ZBTB17: variants seen among roughly 807,000 people sequenced by gnomAD.
The protein encoded by ZBTB17 is zinc finger and BTB domain-containing protein 17.
Under a neutral mutation model 85.1 loss-of-function variants are expected in ZBTB17, and 24 were observed. The observed-to-expected ratio is 0.28, with a 90% CI of 0.20 to 0.40. The LOEUF is 0.40. ZBTB17 is among the 10% of genes least tolerant of loss of function. The pLI, the probability that ZBTB17 is intolerant of heterozygous loss-of-function variation, is 1.00. For missense variants in ZBTB17, 743 were observed against 1,105.1 expected, an observed-to-expected ratio of 0.67 and a Z score of 4.65; for synonymous variants, 464 against 460.2, an observed-to-expected ratio of 1.01 and a Z score of -0.11.
At chr1:15,942,775 G>A (rs760404107) in intron 13 of ZBTB17, 37 bp from the exon 14 acceptor site, 1 of 1,605,774 alleles carries the variant, frequency 6.2e-7, no homozygotes, top group East Asian at 2.2e-5. Flanking sequence ...TTTGTGGGAA[G>A]GGGCCGCAGG....
chr1:15,955,719 G>C (rs913860059), intron 2 of ZBTB17, among the ~76,000 whole-genome samples: 27 of 152,212 alleles, frequency 1.8e-4, no homozygotes, highest in Non-Finnish European at 1.9e-4. Flanking sequence ...GGAGGCCAAG[G>C]CTGGAGGATC....
chr1:15,959,750 G>A (rs549866754), intron 2 of ZBTB17, among the ~76,000 whole-genome samples: 1 of 152,048 alleles, frequency 6.6e-6, no homozygotes, highest in Admixed American at 6.5e-5. Flanking sequence ...TCCAGCATAG[G>A]CAACAGAGCA....
In ZBTB17 at chr1:15,942,424, C is replaced by T. The variant is rs374331671; in HGVS notation, c.2039-4G>A. The T allele has an allele frequency of 4.5e-5, 73 of 1,613,018 alleles. No homozygotes were observed. In the South Asian group the frequency reaches 5.7e-4, roughly 13 times the overall value. On this transcript the variant is annotated splice_polypyrimidine_tract_variant and splice_region_variant and intron_variant, in intron 14 of 15. Transcript: ENST00000375743. ...ACTGCAGCTCCCACCGGCACCACTG[C>T]GGGCAGAGTCGCAGGGCCTAAGGTG... is the stretch of plus-strand genomic sequence containing the variant.
At chr1:15,969,927 C>T (rs1401964648) in intron 2 of ZBTB17, 3 of 660,058 alleles carry the variant, frequency 4.5e-6, no homozygotes, top group Non-Finnish European at 8.2e-6. Context: ...TGTGAATCTG[C>T]CCTCCCATTG....
intron 2 of ZBTB17, among the ~76,000 whole-genome samples, chr1:15,961,477 T>C (rs1185813996): frequency 2.6e-5 from 4 of 152,230 alleles, no homozygotes; most frequent in Non-Finnish European, 5.9e-5. Flanking sequence ...ATCCTGAAGC[T>C]GTAAGTTGGG....
rs61782258 is a variant in ZBTB17, at chr1:15,946,438, A to C, written c.395-144T>G. On this transcript the variant is annotated intron_variant, in intron 4 of 15. Transcript: ENST00000375743. Reference sequence around the variant, plus strand: ...GGTTTGCTGATTTGTTCATTCACCAAATTATTCACAGGGCACCCACTCCAT... The same window carrying C: ...GGTTTGCTGATTTGTTCATTCACCACATTATTCACAGGGCACCCACTCCAT... 0.062 allele frequency: 79,560 copies of C among 1,276,190 alleles called. 2,846 individuals carry two copies. The highest frequency in any genetic ancestry group is 0.073 in the Non-Finnish European group (67,726 of 933,204). 79.1% of individuals were successfully genotyped at this position (1,276,190 alleles called of 1,614,324 possible).
chr1:15,956,688 T>C (rs917300067), intron 2 of ZBTB17, among the ~76,000 whole-genome samples: 5 of 152,090 alleles, frequency 3.3e-5, no homozygotes, highest in African/African-American at 4.8e-5. Context: ...AACAGATACA[T>C]AGAGAGAGAG....
Position 15,973,493 on chromosome 1 carries a change from T to A in ZBTB17, c.-89-368A>T, listed in dbSNP as rs78522761. Among the ~76,000 whole-genome samples the A allele has an allele frequency of 3.3e-5, 5 of 152,312 alleles. No individual in the cohort carries two copies. In the East Asian group the frequency reaches 9.6e-4, roughly 29 times the overall value. On this transcript the variant is annotated intron_variant, in intron 1 of 15. Transcript: ENST00000375743. This position sits in a 1 kb window ranked among gnomAD's most constrained non-coding sequence, Gnocchi z 4.1. ...ATTGCATACCCTACCCTAGGTGAGC[T>A]CATCCCCTCCCATGACTTCAGTGAC...
intron 4 of ZBTB17, among the ~76,000 whole-genome samples, chr1:15,946,718 G>C (rs917490729): frequency 6.6e-6 from 1 of 152,234 alleles, no homozygotes; most frequent in Non-Finnish European, 1.5e-5. Flanking sequence ...GAGCCTGCCC[G>C]TGTGCAAAGG....
Position 15,942,533 on chromosome 1 carries a change from G to C in ZBTB17, c.2034C>G (p.Leu678=), listed in dbSNP as rs746684072. 1.2e-5 allele frequency: 20 copies of C among 1,610,760 alleles called. No individual in the cohort carries two copies. Among genetic ancestry groups the C allele is most frequent in the Non-Finnish European group, 1.7e-5 (20 of 1,179,972 alleles). Reference sequence around the variant, plus strand: ...TCTGCTGCCCACAGCCCGCACCTGTGAGCTGAGTGACGGCTGTCGCTGCCA... The same window carrying C: ...TCTGCTGCCCACAGCCCGCACCTGTCAGCTGAGTGACGGCTGTCGCTGCCA... ...EALAATAVTQ[L]TVVPVGAAVT... Residue 678 remains leucine, a synonymous_variant, in exon 14 of 16, where the codon CTC becomes CTG. Transcript: ENST00000375743.
intron 2 of ZBTB17, among the ~76,000 whole-genome samples, chr1:15,955,024 C>T (rs544683406): frequency 2.0e-5 from 3 of 152,086 alleles, no homozygotes; most frequent in South Asian, 4.1e-4. Flanking sequence ...TGTGGTGGTG[C>T]GCACCTGTAG....
At position 15,964,544 on chromosome 1, in the gene ZBTB17, C is replaced by T. The variant is rs950422253; in HGVS notation, c.-3+8495G>A. On this transcript the variant is annotated intron_variant, in intron 2 of 15. Transcript: ENST00000375743. This position sits in a 1 kb window ranked among gnomAD's most constrained non-coding sequence, Gnocchi z 4.3. ...ACTAGCTTGGGCTACATGGTGAAAC[C>T]CTGTCTCTACAAAAAAGACAAAAAT... 6.6e-6 allele frequency among the ~76,000 whole-genome samples: 1 copy of T among 152,040 alleles called. No homozygotes were observed. Among genetic ancestry groups the T allele is most frequent in the Non-Finnish European group, 1.5e-5 (1 of 68,016 alleles).
intron 2 of ZBTB17, among the ~76,000 whole-genome samples, chr1:15,948,782 A>G (rs1216183998): frequency 6.6e-6 from 1 of 152,228 alleles, no homozygotes; most frequent in Non-Finnish European, 1.5e-5. Flanking sequence ...TCAGCCTGAT[A>G]ATAACATGAA....
chr1:15,949,103 C>G (rs543186772), intron 2 of ZBTB17, among the ~76,000 whole-genome samples: 1 of 152,266 alleles, frequency 6.6e-6, no homozygotes, highest in African/African-American at 2.4e-5. Context: ...TGGGAACTAC[C>G]TAGAGTTGCG....
At chr1:15,946,348 G>A in intron 4 of ZBTB17, 54 bp from the exon 5 acceptor site, 1 of 1,581,422 alleles carries the variant, frequency 6.3e-7, no homozygotes, top group Non-Finnish European at 8.6e-7. Context: ...CCGCCATCTG[G>A]AGGTGTGAGG....
intron 1 of ZBTB17, among the ~76,000 whole-genome samples, chr1:15,974,636 G>A (rs1382511306): frequency 2.0e-5 from 3 of 151,402 alleles, no homozygotes; most frequent in Non-Finnish European, 1.5e-5. Flanking sequence ...GTGCAGTGGC[G>A]CCGTTTCGGC....
intron 2 of ZBTB17, among the ~76,000 whole-genome samples, chr1:15,950,428 C>T (rs1260064979): frequency 6.6e-6 from 1 of 152,234 alleles, no homozygotes; most frequent in African/African-American, 2.4e-5. Flanking sequence ...CTAGAGCTGT[C>T]TTCTCCTGGC....
In ZBTB17 at chr1:15,942,012, T is replaced by G; in HGVS notation, c.2369A>C (p.Glu790Ala). 1.2e-6 allele frequency: 2 copies of G among 1,606,494 alleles called. No homozygotes were observed. The highest frequency in any genetic ancestry group is 1.7e-6 in the Non-Finnish European group (2 of 1,179,396). Residue 790 changes from glutamate (E) to alanine (A), a missense_variant, in exon 16 of 16, where the codon GAG becomes GCG. Around this residue, in one of 4 missense-constraint regions of ZBTB17, gnomAD observed 69 missense variants for 77.0 expected, o/e 0.90. Coordinates refer to ENST00000375743, the MANE Select transcript of ZBTB17 (RefSeq NM_003443.3). ...ACATTCAGGAGCTGTAGGGGAGGTC[T>G]CTGCCAGTGCGGGCTGGCCCTCAGC... ...DGAEGQPALA[E>A]TSPTAPECPP...
Position 15,975,879 on chromosome 1 carries a change from C to T in ZBTB17, c.-90+104G>A, listed in dbSNP as rs552852677. ...TGGCGTCCCATTCCACTTCCCTCCC[C>T]TCCCCCACACAACCGTCACCGGCGT... On this transcript the variant is annotated intron_variant, in intron 1 of 15. Coordinates refer to ENST00000375743, the MANE Select transcript of ZBTB17 (RefSeq NM_003443.3). The T allele has an allele frequency of 1.5e-3, 981 of 669,748 alleles. 8 individuals are homozygous for T. The African/African-American group carries it at 0.015, about 10-fold the overall frequency. 41.5% of individuals were successfully genotyped at this position (669,748 alleles called of 1,614,324 possible).
Sources: allele counts gnomAD v4.1 joint callset (sites outside exome capture counted in the v4.1 genomes callset), GRCh38; gene constraint gnomAD v4.1.1; regional missense constraint gnomAD v4.1.1; non-coding constraint Gnocchi (gnomAD v3.1); transcripts MANE v1.5; gene names NCBI Gene and HGNC (gene_info 2026-07-23, HGNC 2026-07-21).